The following CTTN variants were observed in gnomAD, a reference collection of about 807,000 sequenced individuals.
CTTN encodes the protein src substrate cortactin.
CTTN carries 28 observed loss-of-function variants against 84.0 expected under a neutral mutation model. That is an observed-to-expected ratio of 0.33 (90% CI 0.25 to 0.46). The LOEUF (loss-of-function observed/expected upper bound fraction) is 0.46, where lower values mean the gene tolerates loss of function less well. CTTN is among the 20% of genes least tolerant of loss of function. CTTN has a pLI of 1.00. For synonymous variants in CTTN, 301 were observed against 288.8 expected, an observed-to-expected ratio of 1.04 and a Z score of -0.43; for missense variants, 641 against 723.8, an observed-to-expected ratio of 0.89 and a Z score of 1.31.
In CTTN at chr11:70,421,571, T is replaced by C; in HGVS notation, c.892T>C (p.Ser298Pro). 6.2e-7 allele frequency: 1 copy of C among 1,613,386 alleles called. No homozygotes were observed. The highest frequency in any genetic ancestry group is 1.3e-5 in the African/African-American group (1 of 74,924). The change falls in exon 11 of 18, where the codon TCC (serine) becomes CCC (proline). Residue 298 changes from serine (S) to proline (P), a missense_variant. Around this residue, in one of 3 missense-constraint regions of CTTN, gnomAD observed 289 missense variants for 273.1 expected, o/e 1.06. Coordinates refer to ENST00000301843, the MANE Select transcript of CTTN (RefSeq NM_005231.4). ...DYKEKLAKHE[S>P]QQDYSKGFGG... Reference sequence around the variant, plus strand: ...CAAGGAGAAGCTGGCCAAGCACGAGTCCCAGCAAGGCACAGTTGCCACCAG... The same window carrying C: ...CAAGGAGAAGCTGGCCAAGCACGAGCCCCAGCAAGGCACAGTTGCCACCAG...
At chr11:70,423,141 C>CCGAGTCAGTCA in intron 12 of CTTN, 146 bp downstream of exon 12, 1 of 998,710 alleles carries the variant, frequency 1.0e-6, no homozygotes, top group Non-Finnish European at 1.5e-6. Context: ...CGATGACTGA[C>CCGAGTCAGTCA]TCGGACAGTC....
chr11:70,417,205 G>A, intron 8 of CTTN, 82 bp downstream of exon 8: 1 of 1,049,724 alleles, frequency 9.5e-7, no homozygotes, highest in Non-Finnish European at 1.5e-6. Context: ...ACACGTGATT[G>A]TTGTAGATTT....
At position 70,407,354 on chromosome 11, in the gene CTTN, C is replaced by G. The variant is rs375534755; in HGVS notation, c.57C>G (p.Ala19=). 1 of 1,573,848 alleles carries G rather than the reference C, an allele frequency of 6.4e-7. No homozygotes were observed. The highest frequency in any genetic ancestry group is 1.9e-5 in the Admixed American group (1 of 52,616). The stretch of plus-strand genomic sequence containing the variant: ...CCATCGCCCAGGATGACGCGGGGGC[C>G]GATGACTGGGAGACCGACCCTGATT... ...AVSIAQDDAG[A]DDWETDPDFV... Residue 19 remains alanine, a synonymous_variant, in exon 3 of 18, where the codon GCC becomes GCG. Transcript: ENST00000301843.
At chr11:70,419,632 TG>T in intron 8 of CTTN, 113 bp from the exon 9 acceptor site, 1 of 739,606 alleles carries the variant, frequency 1.4e-6, no homozygotes, top group Non-Finnish European at 2.3e-6. Flanking sequence ...TATTATTCAG[TG>T]GTCCTACAGT....
chr11:70,420,369 G>T, intron 9 of CTTN, 31 bp from the exon 10 acceptor site: 2 of 1,462,614 alleles, frequency 1.4e-6, no homozygotes, highest in East Asian at 4.5e-5. Context: ...ACCTGTTAAT[G>T]ATGGGTTCTG....
At position 70,436,532 on chromosome 11, in the gene CTTN, A is replaced by AT; in HGVS notation, c.*1377dup. On this transcript the variant is annotated 3_prime_UTR_variant, in exon 18 of 18. Coordinates refer to ENST00000301843, the MANE Select transcript of CTTN (RefSeq NM_005231.4). ...TCCTGTAGCACACCTCATAGGTATG[A>AT]TTTTTTTAAATTAAAGAATTCAGAA... 3 of 790,024 alleles carry AT rather than the reference A, an allele frequency of 3.8e-6. No homozygotes were observed. The highest frequency in any genetic ancestry group is 6.0e-6 in the Non-Finnish European group (3 of 496,098). 48.9% of individuals were successfully genotyped at this position (790,024 alleles called of 1,614,324 possible).
At chr11:70,434,315 C>A (rs1302864809) in intron 17 of CTTN, among the ~76,000 whole-genome samples, 1 of 152,240 alleles carries the variant, frequency 6.6e-6, no homozygotes, top group Non-Finnish European at 1.5e-5. Flanking sequence ...ATCCACTTGT[C>A]CCTCTGTCTC....
At chr11:70,416,860 G>C (rs935376273) in intron 7 of CTTN, 153 bp from the exon 8 acceptor site, 1 of 652,020 alleles carries the variant, frequency 1.5e-6, no homozygotes, top group Non-Finnish European at 2.8e-6. Context: ...AGCGTCACCT[G>C]TATGGAGCAG....
rs761945505 is a variant in CTTN at position 70,420,527 on chromosome 11, TGTATGCGAGATGGTTTTA to T, written c.790+19_790+36del. The T allele has an allele frequency of 6.4e-7, 1 of 1,574,302 alleles. No homozygotes were observed. The highest frequency in any genetic ancestry group is 1.7e-5 in the Admixed American group (1 of 59,986). On this transcript the variant is annotated intron_variant, in intron 10 of 17. Transcript: ENST00000301843. Reference sequence around the variant, plus strand: ...CCCAAAAAGGTACATTCACTCTGCCTGTATGCGAGATGGTTTTAGAAGTTTGTTTTTGTTCCTTGCGGG... The same window carrying T: ...CCCAAAAAGGTACATTCACTCTGCCTGAAGTTTGTTTTTGTTCCTTGCGGG...
chr11:70,408,946 C>G (rs1006102447), intron 4 of CTTN, among the ~76,000 whole-genome samples: 3 of 152,032 alleles, frequency 2.0e-5, no homozygotes, highest in Non-Finnish European at 4.4e-5. Context: ...AAACATGTCT[C>G]GGAGGGTGGC....
intron 11 of CTTN, chr11:70,422,181 A>C (rs534965118): frequency 9.0e-6 from 3 of 333,200 alleles, no homozygotes; most frequent in Non-Finnish European, 1.8e-5. Context: ...CCAGCTCTGC[A>C]TCCTTCCTTA....
At chr11:70,402,084 CAG>C (rs1377077662) in intron 1 of CTTN, among the ~76,000 whole-genome samples, 2 of 152,112 alleles carry the variant, frequency 1.3e-5, no homozygotes, top group African/African-American at 2.4e-5. Context: ...ACCTGGGAGA[CAG>C]AGGTTGCAGT....
chr11:70,406,888 T>G lies in CTTN; in HGVS notation c.1-410T>G, dbSNP rs144470298. ...ATACACATACCATGAGATTTACCAT[T>G]AGTAACATTTAGTATATTTATAATA... On this transcript the variant is annotated intron_variant, in intron 2 of 17. Coordinates refer to ENST00000301843, the MANE Select transcript of CTTN (RefSeq NM_005231.4). Among the ~76,000 whole-genome samples, 213 of 152,378 alleles carry G rather than the reference T, an allele frequency of 1.4e-3. 1 individual carries two copies. The highest frequency in any genetic ancestry group is 0.014 in the Middle Eastern group (4 of 294).
At chr11:70,426,672 T>G (rs931183509) in intron 13 of CTTN, among the ~76,000 whole-genome samples, 7 of 151,000 alleles carry the variant, frequency 4.6e-5, no homozygotes, top group African/African-American at 1.7e-4. Context: ...AAGCTCCGCC[T>G]CCCATCCCGG....
intron 11 of CTTN, 193 bp downstream of exon 11, chr11:70,421,773 C>G (rs1178217819): frequency 1.7e-6 from 1 of 587,970 alleles, no homozygotes. Flanking sequence ...TCACTTTCTT[C>G]CCTGTGAACT....
chr11:70,430,088 C>T (rs1045946266), intron 14 of CTTN, among the ~76,000 whole-genome samples: 9 of 152,182 alleles, frequency 5.9e-5, no homozygotes, highest in Non-Finnish European at 1.2e-4. Context: ...ATGCCAGGAA[C>T]CGTGCTAGGG....
Position 70,435,351 on chromosome 11 carries a change from G to A in CTTN, c.*189G>A. ...TGCTGATGCTTTTGAAAATGTTTAT[G>A]CCACAGAATTTGCTAATATATTGTA... On this transcript the variant is annotated 3_prime_UTR_variant, in exon 18 of 18. Transcript: ENST00000301843. 1 of 1,384,554 alleles carries A rather than the reference G, an allele frequency of 7.2e-7. No homozygotes were observed. The highest frequency in any genetic ancestry group is 1.4e-5 in the South Asian group (1 of 72,180). 85.8% of individuals were successfully genotyped at this position (1,384,554 alleles called of 1,614,324 possible). A position where few individuals can be genotyped will look rare whatever the true frequency, so the allele number is the denominator to read the frequency against.
At chr11:70,428,751 T>C (rs1481213635) in intron 13 of CTTN, among the ~76,000 whole-genome samples, 1 of 152,222 alleles carries the variant, frequency 6.6e-6, no homozygotes, top group Non-Finnish European at 1.5e-5. Flanking sequence ...TAAGGGAAAT[T>C]GGCTGTTTTT....
At chr11:70,419,114 CT>C (rs66642909) in intron 8 of CTTN, among the ~76,000 whole-genome samples, 69,552 of 138,748 alleles carry the variant, frequency 0.5, 17,869 homozygotes, top group African/African-American at 0.67. Flanking sequence ...TTTCTTAATT[CT>C]TTTTTTTTTT....
Sources: gnomAD v4.1 joint callset for allele counts (sites outside exome capture counted in the v4.1 genomes callset) on GRCh38, gnomAD v4.1.1 for gene constraint, gnomAD v4.1.1 regional missense constraint, MANE v1.5 for transcripts, NCBI Gene and HGNC (gene_info 2026-07-23, HGNC 2026-07-21) for gene names.